PLCB4: variants seen among roughly 807,000 people sequenced by gnomAD.
PLCB4 encodes the protein 1-phosphatidylinositol 4,5-bisphosphate phosphodiesterase beta-4.
Under a neutral mutation model 178.8 loss-of-function variants are expected in PLCB4, and 77 were observed. That is an observed-to-expected ratio of 0.43 (90% confidence interval 0.36 to 0.52). The LOEUF (loss-of-function observed/expected upper bound fraction) is 0.52. PLCB4 is among the 20% of genes least tolerant of loss of function. PLCB4 has a pLI of 0.00. For missense variants in PLCB4, 1,024 were observed against 1,453.4 expected, an observed-to-expected ratio of 0.70 and a Z score of 4.80; for synonymous variants, 496 against 490.8, an observed-to-expected ratio of 1.01 and a Z score of -0.14.
chr20:9,461,670 G>T (rs2043403668), intron 35 of PLCB4, among the ~76,000 whole-genome samples: 1 of 152,246 alleles, frequency 6.6e-6, no homozygotes, highest in African/African-American at 2.4e-5. Context: ...GCAGCAGTCA[G>T]ATCGAACCGT....
At chr20:9,249,013 C>T (rs1045763562) in intron 3 of PLCB4, among the ~76,000 whole-genome samples, 23 of 152,154 alleles carry the variant, frequency 1.5e-4, no homozygotes, top group African/African-American at 5.5e-4. Context: ...CTTTCCTTGG[C>T]GTGTAGCTCC....
chr20:9,181,589 C>T (rs1401746347), intron 2 of PLCB4, among the ~76,000 whole-genome samples: 1 of 152,100 alleles, frequency 6.6e-6, no homozygotes, highest in Non-Finnish European at 1.5e-5. Context: ...ATGGTCTTGT[C>T]ATTGTCCTTA....
chr20:9,291,293 A>G (rs2094577813), intron 3 of PLCB4, among the ~76,000 whole-genome samples: 1 of 152,184 alleles, frequency 6.6e-6, no homozygotes, highest in South Asian at 2.1e-4. Flanking sequence ...GTCTATCAGA[A>G]AAAGCCAAAG....
chr20:9,413,546 C>A (rs2040017369), intron 25 of PLCB4, among the ~76,000 whole-genome samples: 1 of 151,568 alleles, frequency 6.6e-6, no homozygotes, highest in Admixed American at 6.6e-5. Context: ...GTAGTCCCAG[C>A]TACTTGGGAG....
At chr20:9,168,582 A>T (rs942358358) in intron 2 of PLCB4, among the ~76,000 whole-genome samples, 1 of 152,192 alleles carries the variant, frequency 6.6e-6, no homozygotes, top group African/African-American at 2.4e-5. Flanking sequence ...CATTGCTAAC[A>T]GGCTCCCAGG....
intron 4 of PLCB4, among the ~76,000 whole-genome samples, chr20:9,311,076 T>C (rs1395019269): frequency 6.6e-6 from 1 of 152,214 alleles, no homozygotes; most frequent in Non-Finnish European, 1.5e-5. Flanking sequence ...GAAATAGCAG[T>C]GTTTTTAAAA....
chr20:9,477,396 A>T (rs188039171), intron 39 of PLCB4, among the ~76,000 whole-genome samples: 2 of 152,338 alleles, frequency 1.3e-5, no homozygotes, highest in East Asian at 3.9e-4. Context: ...CCCAACTCAT[A>T]TAAGAACTTA....
At chr20:9,081,768 C>A (rs368798317) in intron 1 of PLCB4, among the ~76,000 whole-genome samples, 819 of 90,070 alleles carry the variant, frequency 9.1e-3, no homozygotes, top group Admixed American at 0.012. Flanking sequence ...GATGATTAAG[C>A]AAAAAAAAAA....
chr20:9,116,596 CTTCCCTA>C (rs2091787459), intron 2 of PLCB4, among the ~76,000 whole-genome samples: 1 of 152,118 alleles, frequency 6.6e-6, no homozygotes, highest in African/African-American at 2.4e-5. Flanking sequence ...CCTCGGTTGC[CTTCCCTA>C]ATCTCAGCCA....
intron 2 of PLCB4, among the ~76,000 whole-genome samples, chr20:9,176,895 G>T (rs2147069906): frequency 6.6e-6 from 1 of 152,266 alleles, no homozygotes; most frequent in Admixed American, 6.5e-5. Flanking sequence ...CCACAATTTT[G>T]GGGCTGTGAC....
chr20:9,365,407 G>T, intron 8 of PLCB4, 54 bp from the exon 9 acceptor site: 1 of 1,097,882 alleles, frequency 9.1e-7, no homozygotes, highest in Non-Finnish European at 1.4e-6. Context: ...TAACAGAATT[G>T]AAGCTGCTCC....
intron 9 of PLCB4, among the ~76,000 whole-genome samples, chr20:9,365,797 G>A (rs964859997): frequency 5.3e-5 from 8 of 152,144 alleles, no homozygotes; most frequent in Non-Finnish European, 1.2e-4. Context: ...CAAATAAGTG[G>A]TTTTTAGGAT....
At chr20:9,444,585 A>G (rs970544187) in intron 32 of PLCB4, among the ~76,000 whole-genome samples, 1 of 152,150 alleles carries the variant, frequency 6.6e-6, no homozygotes, top group African/African-American at 2.4e-5. Flanking sequence ...CAACATGGTA[A>G]AACCTGTCTC....
chr20:9,285,968 G>A (rs2094533246), intron 3 of PLCB4, among the ~76,000 whole-genome samples: 1 of 152,006 alleles, frequency 6.6e-6, no homozygotes, highest in Admixed American at 6.6e-5. Flanking sequence ...GACATTATAG[G>A]CATGTCTGTT....
chr20:9,109,565 A>G (rs890737803), intron 2 of PLCB4, among the ~76,000 whole-genome samples: 11 of 152,098 alleles, frequency 7.2e-5, no homozygotes, highest in African/African-American at 2.7e-4. Context: ...CTTACCTACA[A>G]TACACATATT....
chr20:9,157,765 T>C (rs2092815271), intron 2 of PLCB4, among the ~76,000 whole-genome samples: 2 of 152,140 alleles, frequency 1.3e-5, no homozygotes, highest in South Asian at 4.1e-4. Context: ...AAAATACTAG[T>C]AATTTTACTG....
chr20:9,390,574 T>C lies in PLCB4; in HGVS notation c.1282T>C (p.Phe428Leu). The change falls in exon 17 of 40, where the codon TTT (phenylalanine) becomes CTT (leucine). Residue 428 changes from phenylalanine to leucine, a missense_variant. By Grantham distance (22) the Phe-to-Leu change is conservative. Around this residue, in one of 7 missense-constraint regions of PLCB4, gnomAD observed 263 missense variants for 417.4 expected, o/e 0.63. Coordinates refer to ENST00000378473, the MANE Select transcript of PLCB4 (RefSeq NM_001377142.1). ...YKMSKYCEDL[F>L]GDLLLKQALE... ...GATGTCCAAATATTGCGAAGATCTA[T>C]TTGGGGATCTCCTGTTGAAACAAGC... 1 of 1,585,564 alleles carries C rather than the reference T, an allele frequency of 6.3e-7. No homozygotes were observed. Among genetic ancestry groups the C allele is most frequent in the Non-Finnish European group, 8.7e-7 (1 of 1,154,052 alleles).
chr20:9,202,100 A>C (rs1181359518), intron 2 of PLCB4, among the ~76,000 whole-genome samples: 1 of 152,224 alleles, frequency 6.6e-6, no homozygotes, highest in African/African-American at 2.4e-5. Flanking sequence ...TGAATCCCAA[A>C]ATACATTACG....
At chr20:9,268,792 C>CT (rs2094374218) in intron 3 of PLCB4, among the ~76,000 whole-genome samples, 2 of 152,266 alleles carry the variant, frequency 1.3e-5, no homozygotes, top group South Asian at 2.1e-4. Context: ...CAGGCCAACT[C>CT]TTTTTTTATT....
Sources: allele counts gnomAD v4.1 joint callset (sites outside exome capture counted in the v4.1 genomes callset), GRCh38; gene constraint gnomAD v4.1.1; regional missense constraint gnomAD v4.1.1; transcripts MANE v1.5; gene names NCBI Gene and HGNC (gene_info 2026-07-23, HGNC 2026-07-21).